ACTR3C: variants seen among roughly 807,000 people sequenced by gnomAD.
The protein encoded by ACTR3C is actin related protein 3C.
ACTR3C carries 18 observed loss-of-function variants against 26.3 expected under a neutral mutation model. The ratio of observed to expected loss-of-function variants is 0.68; its 90% confidence interval spans 0.47 to 1.01. ACTR3C has a LOEUF of 1.01. Among genes scored for constraint, ACTR3C ranks in the 50% least tolerant of loss-of-function variants. The pLI, the probability that ACTR3C is intolerant of heterozygous loss-of-function variation, is 0.00. For missense variants in ACTR3C, 184 were observed against 250.7 expected, an observed-to-expected ratio of 0.73 and a Z score of 1.80; for synonymous variants, 55 against 94.5, an observed-to-expected ratio of 0.58 and a Z score of 2.42.
the ACTR3C span, among the ~76,000 whole-genome samples, chr7:150,214,920 T>C: frequency 6.6e-6 from 1 of 152,212 alleles, no homozygotes; most frequent in South Asian, 2.1e-4. Flanking sequence ...GTAAAAATCC[T>C]GTCAACTCAG....
At chr7:149,999,379 G>A in the ACTR3C span, among the ~76,000 whole-genome samples, 5 of 150,896 alleles carry the variant, frequency 3.3e-5, no homozygotes, top group Non-Finnish European at 5.9e-5. Flanking sequence ...TCAATCAGAC[G>A]GGTCCTGCCC....
chr7:150,306,871 AGTG>A (rs1795844807), intron 1 of ACTR3C, among the ~76,000 whole-genome samples: 2 of 152,278 alleles, frequency 1.3e-5, no homozygotes, highest in African/African-American at 4.8e-5. Context: ...GATAACGAAC[AGTG>A]GTTTATTCAT....
the ACTR3C span, among the ~76,000 whole-genome samples, chr7:150,228,809 T>A: frequency 0.033 from 4,737 of 144,414 alleles, 179 homozygotes; most frequent in African/African-American, 0.072. Context: ...ATAGTAACAA[T>A]CAAATTATGC....
At chr7:150,279,600 C>T (rs983324628) in intron 6 of ACTR3C, among the ~76,000 whole-genome samples, 5 of 151,916 alleles carry the variant, frequency 3.3e-5, no homozygotes, top group African/African-American at 9.7e-5. Flanking sequence ...TCCCCACCAC[C>T]GTAGGCTCTG....
In ACTR3C at chr7:150,282,111, G is replaced by A. The variant is rs562946028; in HGVS notation, c.564+2642C>T. 4.2e-5 allele frequency among the ~76,000 whole-genome samples: 6 copies of A among 142,710 alleles called. 1 individual carries two copies. The highest frequency in any genetic ancestry group is 1.2e-4 in the African/African-American group (4 of 34,202). 93.6% of individuals were successfully genotyped at this position (142,710 alleles called of 152,430 possible). On this transcript the variant is annotated intron_variant, in intron 6 of 7. Coordinates refer to ENST00000683684, the MANE Select transcript of ACTR3C (RefSeq NM_001164458.2). ...CCCTTTCTTCGTGGCTACATGAGAG[G>A]CAGTGGTGCCCACCAAACATTCTAT... is the stretch of plus-strand genomic sequence containing the variant.
intron 1 of ACTR3C, among the ~76,000 whole-genome samples, chr7:150,313,109 T>A (rs1796472404): frequency 6.6e-6 from 1 of 152,198 alleles, no homozygotes; most frequent in Non-Finnish European, 1.5e-5. Context: ...TAACAATATA[T>A]AACCACCTTT....
the ACTR3C span, among the ~76,000 whole-genome samples, chr7:150,161,146 C>T: frequency 6.8e-6 from 1 of 147,592 alleles, no homozygotes; most frequent in Admixed American, 6.8e-5. Flanking sequence ...CTTCATTCTT[C>T]CTGACATCAG....
At chr7:150,224,305 A>G in the ACTR3C span, among the ~76,000 whole-genome samples, 1 of 152,208 alleles carries the variant, frequency 6.6e-6, no homozygotes, top group African/African-American at 2.4e-5. Context: ...GTTTCTCCCC[A>G]TGTGAAATAC....
chr7:150,114,062 C>G, the ACTR3C span, among the ~76,000 whole-genome samples: 2 of 152,072 alleles, frequency 1.3e-5, no homozygotes, highest in African/African-American at 2.4e-5. Flanking sequence ...GTATTTCTTG[C>G]TGAAATTTAA....
chr7:150,261,279 G>A (rs1423528350), intron 6 of ACTR3C, among the ~76,000 whole-genome samples: 7 of 151,932 alleles, frequency 4.6e-5, no homozygotes, highest in Admixed American at 2.0e-4. Context: ...GCTAAATTTC[G>A]GTTAGCAGAA....
At chr7:150,057,626 T>G in the ACTR3C span, among the ~76,000 whole-genome samples, 3 of 152,218 alleles carry the variant, frequency 2.0e-5, no homozygotes, top group Non-Finnish European at 4.4e-5. Context: ...TACATTTTAT[T>G]AAGTCCACCA....
chr7:150,035,177 G>A, the ACTR3C span, among the ~76,000 whole-genome samples: 2 of 141,128 alleles, frequency 1.4e-5, no homozygotes, highest in East Asian at 4.1e-4. Context: ...GGGGAAGAGG[G>A]TCTGGCTCTC....
At chr7:150,053,708 A>G in the ACTR3C span, among the ~76,000 whole-genome samples, 1 of 152,276 alleles carries the variant, frequency 6.6e-6, no homozygotes, top group African/African-American at 2.4e-5. Context: ...CAAAACAAAC[A>G]GAGCCAGTGT....
intron 6 of ACTR3C, among the ~76,000 whole-genome samples, chr7:150,252,488 AG>A (rs1263673839): frequency 3.2e-4 from 48 of 152,334 alleles, no homozygotes; most frequent in African/African-American, 1.1e-3. Context: ...GCATTAGGGC[AG>A]GTCAGAGAAA....
the ACTR3C span, among the ~76,000 whole-genome samples, chr7:150,005,668 C>G: frequency 6.6e-6 from 1 of 152,068 alleles, no homozygotes; most frequent in Admixed American, 6.6e-5. Flanking sequence ...GGGACCTTAT[C>G]CTTTCTCTTA....
intron 1 of ACTR3C, among the ~76,000 whole-genome samples, chr7:150,315,944 T>G (rs1211699208): frequency 6.6e-6 from 1 of 152,176 alleles, no homozygotes; most frequent in African/African-American, 2.4e-5. Flanking sequence ...ACGCCTGTAA[T>G]CCCAGCACTT....
At chr7:149,883,097 T>G in the ACTR3C span, among the ~76,000 whole-genome samples, 1 of 151,944 alleles carries the variant, frequency 6.6e-6, no homozygotes, top group East Asian at 1.9e-4. Context: ...TCTAAGAAAG[T>G]GAGGGGGTGG....
the ACTR3C span, among the ~76,000 whole-genome samples, chr7:149,924,712 A>G: frequency 0.95 from 142,499 of 150,408 alleles, 67,894 homozygotes; most frequent in East Asian, 1. Flanking sequence ...TGCAACCTCC[A>G]CCTCCCAGGT....
At chr7:150,208,612 C>T in the ACTR3C span, among the ~76,000 whole-genome samples, 4 of 151,986 alleles carry the variant, frequency 2.6e-5, no homozygotes, top group African/African-American at 9.7e-5. Context: ...ACATTTCCAC[C>T]CAGTAAATCT....
Sources: gnomAD v4.1 joint callset for allele counts (sites outside exome capture counted in the v4.1 genomes callset) on GRCh38, gnomAD v4.1.1 for gene constraint, MANE v1.5 for transcripts, NCBI Gene and HGNC (gene_info 2026-07-23, HGNC 2026-07-21) for gene names.